ANK2: variants seen among roughly 807,000 people sequenced by gnomAD.
ANK2 encodes the protein ankyrin 2.
ANK2 carries 83 observed loss-of-function variants against 360.5 expected under a neutral mutation model. The observed-to-expected ratio is 0.23, with a 90% confidence interval of 0.19 to 0.28. The LOEUF (loss-of-function observed/expected upper bound fraction) is 0.28. Ranked by LOEUF, ANK2 falls within the 10% of genes least tolerant of loss-of-function variation. The probability of loss-of-function intolerance (pLI) is 1.00; values close to 1 mark genes in which losing one functional copy is unlikely to be tolerated. For missense variants in ANK2, 4,201 were observed against 4,795.7 expected (o/e 0.88, Z 3.66); for synonymous variants, 1,740 against 1,759.5 (o/e 0.99, Z 0.28).
In ANK2 at chr4:113,358,219, A is replaced by C; in HGVS notation, c.9601A>C (p.Asn3201His). The C allele has an allele frequency of 6.2e-7, 1 of 1,614,074 alleles. No homozygotes were observed. The highest frequency in any genetic ancestry group is 8.5e-7 in the Non-Finnish European group (1 of 1,179,960). ...AATACCTGCTTCGGATGCTCAACTT[A>C]ACTCCCAAATGGGGATTTCAGCCTC... Reference protein sequence around the residue: ...EEIPASDAQLNSQMGISASTE... With the variant: ...EEIPASDAQLHSQMGISASTE... The change falls in exon 38 of 46, where the codon AAC (asparagine) becomes CAC (histidine). Residue 3201 changes from asparagine (N) to histidine (H), a missense_variant. This residue lies in a region of ANK2 where 2,642 missense variants were observed against 2,714.5 expected (regional missense o/e 0.97). Coordinates refer to ENST00000357077, the MANE Select transcript of ANK2 (RefSeq NM_001148.6).
chr4:112,996,922 G>A (rs1183240263), intron 2 of ANK2, among the ~76,000 whole-genome samples: 2 of 151,864 alleles, frequency 1.3e-5, no homozygotes, highest in African/African-American at 2.4e-5. Context: ...CCCAGCCTCT[G>A]GTAACCATCC....
chr4:113,133,452 A>G (rs2096195399), intron 1 of ANK2, among the ~76,000 whole-genome samples: 1 of 152,178 alleles, frequency 6.6e-6, no homozygotes, highest in African/African-American at 2.4e-5. Context: ...TTGCTTGAAA[A>G]AGATTTTCCC....
At chr4:113,035,383 G>A (rs1238185733) in intron 2 of ANK2, among the ~76,000 whole-genome samples, 1 of 151,792 alleles carries the variant, frequency 6.6e-6, no homozygotes, top group African/African-American at 2.4e-5. Context: ...TGGGATTTCA[G>A]GTAGGTAGGT....
intron 11 of ANK2, 122 bp from the exon 12 acceptor site, chr4:113,257,928 G>T: frequency 1.0e-6 from 1 of 985,400 alleles, no homozygotes; most frequent in South Asian, 1.4e-5. Context: ...AACACCTGCA[G>T]GGATTGAAGA....
At chr4:113,107,634 A>G (rs913484204) in intron 1 of ANK2, among the ~76,000 whole-genome samples, 11 of 152,154 alleles carry the variant, frequency 7.2e-5, no homozygotes, top group African/African-American at 2.7e-4. Context: ...GGATGAGTCT[A>G]TCTATTTCCA....
At chr4:112,719,553 C>T in the ANK2 span, among the ~76,000 whole-genome samples, 3 of 151,782 alleles carry the variant, frequency 2.0e-5, no homozygotes, top group Non-Finnish European at 2.9e-5. Context: ...ACAGTGAAAC[C>T]CCGCCTCTAC....
At chr4:112,954,869 T>C (rs2095257444) in intron 2 of ANK2, among the ~76,000 whole-genome samples, 1 of 152,122 alleles carries the variant, frequency 6.6e-6, no homozygotes, top group Admixed American at 6.5e-5. Context: ...GAAATATATA[T>C]TAAAAGCATG....
At chr4:113,105,380 T>A (rs2093486315) in intron 1 of ANK2, among the ~76,000 whole-genome samples, 2 of 152,078 alleles carry the variant, frequency 1.3e-5, no homozygotes, top group Non-Finnish European at 2.9e-5. Flanking sequence ...GGCAAGACCT[T>A]ATCAGTTGAT....
chr4:112,828,390 C>T (rs751475242), intron 1 of ANK2, among the ~76,000 whole-genome samples: 2 of 152,052 alleles, frequency 1.3e-5, no homozygotes, highest in African/African-American at 2.4e-5. Flanking sequence ...CCCCCCACCA[C>T]GTCCAGCTAA....
intron 2 of ANK2, among the ~76,000 whole-genome samples, chr4:113,187,280 G>A (rs1376389416): frequency 6.6e-6 from 1 of 152,200 alleles, no homozygotes; most frequent in Non-Finnish European, 1.5e-5. Context: ...GCCTATGGGA[G>A]TTAGAGGAGG....
At position 113,358,902 on chromosome 4, in the gene ANK2, A is replaced by C; in HGVS notation, c.10284A>C (p.Ser3428=). The C allele has an allele frequency of 6.2e-7, 1 of 1,613,982 alleles. No homozygotes were observed. The highest frequency in any genetic ancestry group is 8.5e-7 in the Non-Finnish European group (1 of 1,179,918). ...GGGCCGAGGAACTTGAGTTAGAATC[A>C]GAAGAAGGGGCCACAAGACCAAAGA... ...RERAEELELE[S]EEGATRPKIL... Residue 3428 remains serine (S), a synonymous_variant, in exon 38 of 46, where the codon TCA becomes TCC. Transcript: ENST00000357077.
chr4:113,342,723 G>A (rs1204905675), intron 33 of ANK2, among the ~76,000 whole-genome samples: 1 of 151,704 alleles, frequency 6.6e-6, no homozygotes, highest in African/African-American at 2.4e-5. Flanking sequence ...AATTACCCAA[G>A]CATAAGTTTA....
intron 32 of ANK2, among the ~76,000 whole-genome samples, chr4:113,340,627 G>T (rs1448734873): frequency 6.6e-6 from 1 of 152,124 alleles, no homozygotes; most frequent in African/African-American, 2.4e-5. Flanking sequence ...GCCCAGAGAG[G>T]TCGAGGCTGC....
the ANK2 span, among the ~76,000 whole-genome samples, chr4:112,791,479 CTTTTT>C: frequency 3.5e-4 from 33 of 93,888 alleles, no homozygotes; most frequent in Admixed American, 7.9e-4. Flanking sequence ...TCTTCTTCTT[CTTTTT>C]TTTTTTTTTT....
chr4:113,064,496 T>C (rs1363744964), intron 1 of ANK2, among the ~76,000 whole-genome samples: 1 of 152,156 alleles, frequency 6.6e-6, no homozygotes, highest in Non-Finnish European at 1.5e-5. Flanking sequence ...TAGCCACCTT[T>C]TGTTTTCCCA....
chr4:113,064,577 G>A (rs1020327041), intron 1 of ANK2, among the ~76,000 whole-genome samples: 5 of 152,116 alleles, frequency 3.3e-5, no homozygotes, highest in African/African-American at 4.8e-5. Context: ...CTCAATTTGT[G>A]GTGGTGTGCT....
At chr4:112,785,807 T>C in the ANK2 span, among the ~76,000 whole-genome samples, 10 of 152,002 alleles carry the variant, frequency 6.6e-5, no homozygotes, top group African/African-American at 2.4e-4. Context: ...GTGCTGGGAT[T>C]AGGTGTGAAC....
chr4:113,147,692 T>C (rs547622788), intron 1 of ANK2, among the ~76,000 whole-genome samples: 128 of 152,344 alleles, frequency 8.4e-4, no homozygotes, highest in African/African-American at 2.8e-3. Flanking sequence ...CTAGGTAGTT[T>C]AAGTTGGACT....
intron 2 of ANK2, among the ~76,000 whole-genome samples, chr4:112,919,937 ATAAT>A (rs1326345838): frequency 1.3e-5 from 2 of 152,142 alleles, no homozygotes; most frequent in Non-Finnish European, 2.9e-5. Flanking sequence ...GAGTTGAATA[ATAAT>A]TTATTATATT....
Sources: gnomAD v4.1 joint callset for allele counts (sites outside exome capture counted in the v4.1 genomes callset) on GRCh38, gnomAD v4.1.1 for gene constraint, gnomAD v4.1.1 regional missense constraint, MANE v1.5 for transcripts, NCBI Gene and HGNC (gene_info 2026-07-23, HGNC 2026-07-21) for gene names.